Variants in KCNJ6 observed in about 807,000 individuals in gnomAD.
KCNJ6 encodes potassium inwardly rectifying channel subfamily J member 6, also known as G protein-activated inward rectifier potassium channel 2.
Under a neutral mutation model 34.2 loss-of-function variants are expected in KCNJ6, and 9 were observed. The ratio of observed to expected loss-of-function variants is 0.26; its 90% CI spans 0.16 to 0.46. The LOEUF (loss-of-function observed/expected upper bound fraction) is 0.46. Ranked by LOEUF, KCNJ6 falls within the 20% of genes least tolerant of loss-of-function variation. The probability of loss-of-function intolerance (pLI) is 1.00; values close to 1 mark genes in which losing one functional copy is unlikely to be tolerated. For synonymous variants in KCNJ6, 196 were observed against 207.1 expected (o/e 0.95, Z 0.46); for missense variants, 236 against 531.3 (o/e 0.44, Z 5.46).
chr21:37,618,535 G>C lies in KCNJ6; in HGVS notation c.*6624C>G, dbSNP rs1053447454. ...AAAGATTGGCTTAGTTGATATCACAGTATTGATGATCGGTGTTAAAACAAT... is the reference window on the plus strand; with the variant it reads ...AAAGATTGGCTTAGTTGATATCACACTATTGATGATCGGTGTTAAAACAAT... On this transcript the variant is annotated 3_prime_UTR_variant, in exon 4 of 4. Transcript: ENST00000609713. 6.6e-6 allele frequency: 1 copy of C among 152,172 alleles called. No homozygotes were observed. The highest frequency in any genetic ancestry group is 2.4e-5 in the African/African-American group (1 of 41,448). The allele number at this position is 152,172 out of a possible 1,614,324, so 9.4% of individuals were successfully genotyped here.
intron 3 of KCNJ6, 114 bp from the exon 4 acceptor site, chr21:37,625,598 A>T (rs2054307333): frequency 1.5e-6 from 1 of 669,542 alleles, no homozygotes; most frequent in African/African-American, 1.8e-5. Flanking sequence ...TGACCTGCAT[A>T]CGATGCCACA....
intron 2 of KCNJ6, among the ~76,000 whole-genome samples, chr21:37,823,816 C>T (rs920257109): frequency 6.6e-6 from 1 of 151,948 alleles, no homozygotes. Context: ...AATGGTGGTT[C>T]CCAGAGGCTA....
intron 3 of KCNJ6, among the ~76,000 whole-genome samples, chr21:37,645,872 CTT>C (rs1349544961): frequency 7.1e-5 from 10 of 141,634 alleles, no homozygotes; most frequent in Non-Finnish European, 1.1e-4. Context: ...CACAGCCTCT[CTT>C]GTGATCTGCT....
chr21:37,906,309 T>C (rs1022411822), intron 1 of KCNJ6, among the ~76,000 whole-genome samples: 1 of 152,222 alleles, frequency 6.6e-6, no homozygotes, highest in Non-Finnish European at 1.5e-5. Flanking sequence ...GCAGTGGGCA[T>C]TCTGGCATTC....
intron 1 of KCNJ6, among the ~76,000 whole-genome samples, chr21:37,873,562 C>T (rs573679113): frequency 6.6e-6 from 1 of 152,330 alleles, no homozygotes; most frequent in Admixed American, 6.5e-5. Context: ...TGTGCATACT[C>T]GTCTAGGCTT....
chr21:37,661,614 G>GTTTTCTTTTTTTTTT (rs2054488657), intron 3 of KCNJ6, among the ~76,000 whole-genome samples: 1 of 71,172 alleles, frequency 1.4e-5, no homozygotes, highest in South Asian at 6.7e-4. Flanking sequence ...AAGAGACATA[G>GTTTTCTTTTTTTTTT]TTTTTTTTTT....
At chr21:37,654,107 T>G in intron 3 of KCNJ6, among the ~76,000 whole-genome samples, 1 of 72,226 alleles carries the variant, frequency 1.4e-5, no homozygotes, top group Non-Finnish European at 2.7e-5. Context: ...CTTTGTGGGT[T>G]TTTTTTTTTT....
chr21:37,777,727 C>A (rs987465623), intron 2 of KCNJ6, among the ~76,000 whole-genome samples: 1 of 152,194 alleles, frequency 6.6e-6, no homozygotes, highest in Non-Finnish European at 1.5e-5. Context: ...TCATATAACA[C>A]AAGTCTTGCC....
intron 1 of KCNJ6, among the ~76,000 whole-genome samples, chr21:37,868,053 C>T (rs531374740): frequency 6.6e-6 from 1 of 152,190 alleles, no homozygotes; most frequent in Non-Finnish European, 1.5e-5. Context: ...TAAGACCTCA[C>T]AGCCAGCTGG....
At chr21:37,755,614 A>G (rs1331686110) in intron 2 of KCNJ6, among the ~76,000 whole-genome samples, 7 of 152,206 alleles carry the variant, frequency 4.6e-5, no homozygotes, top group African/African-American at 1.7e-4. Flanking sequence ...ATTATCCATG[A>G]TTTAAGTATT....
intron 2 of KCNJ6, among the ~76,000 whole-genome samples, chr21:37,796,680 C>G (rs574759895): frequency 6.6e-6 from 1 of 151,364 alleles, no homozygotes; most frequent in African/African-American, 2.4e-5. Flanking sequence ...AGCCCTGTTA[C>G]TATAACTTGG....
intron 3 of KCNJ6, among the ~76,000 whole-genome samples, chr21:37,690,961 T>C (rs1174634077): frequency 6.6e-6 from 1 of 152,042 alleles, no homozygotes; most frequent in African/African-American, 2.4e-5. Flanking sequence ...TTGGTATTTT[T>C]AGAAGAGACC....
At chr21:37,670,394 G>A (rs1409297458) in intron 3 of KCNJ6, among the ~76,000 whole-genome samples, 4 of 152,072 alleles carry the variant, frequency 2.6e-5, no homozygotes, top group African/African-American at 7.2e-5. Flanking sequence ...TTTTAGTTCT[G>A]CAAAATGGCC....
chr21:37,868,100 G>A (rs551564712), intron 1 of KCNJ6, among the ~76,000 whole-genome samples: 13 of 152,304 alleles, frequency 8.5e-5, no homozygotes, highest in African/African-American at 2.9e-4. Flanking sequence ...TGGCTGCTCC[G>A]GGCATCCTAT....
intron 3 of KCNJ6, among the ~76,000 whole-genome samples, chr21:37,707,109 G>GGT (rs5843853): frequency 0.028 from 1 of 36 alleles, no homozygotes; most frequent in East Asian, 0.5. Context: ...ATTCATGGCA[G>GGT]TACCCGGGCA....
intron 1 of KCNJ6, among the ~76,000 whole-genome samples, chr21:37,841,071 G>C (rs1461628500): frequency 6.6e-6 from 1 of 151,792 alleles, no homozygotes; most frequent in Non-Finnish European, 1.5e-5. Context: ...AGCTTTCTTG[G>C]TATTTTTGGA....
intron 2 of KCNJ6, among the ~76,000 whole-genome samples, chr21:37,736,510 A>G (rs1002080603): frequency 2.0e-4 from 30 of 152,206 alleles, no homozygotes; most frequent in African/African-American, 4.8e-5. Flanking sequence ...CTGAGAAAAG[A>G]GAAGTTGCTT....
chr21:37,659,441 C>T (rs2054478348), intron 3 of KCNJ6, among the ~76,000 whole-genome samples: 1 of 152,230 alleles, frequency 6.6e-6, no homozygotes, highest in Non-Finnish European at 1.5e-5. Flanking sequence ...TTTGCAACCC[C>T]AAGTGCTTCA....
chr21:37,744,328 A>T (rs144169124), intron 2 of KCNJ6, among the ~76,000 whole-genome samples: 9 of 152,298 alleles, frequency 5.9e-5, no homozygotes, highest in East Asian at 1.9e-4. Context: ...TAAAATAAAA[A>T]AAATGGATAG....
Sources: allele counts gnomAD v4.1 joint callset (sites outside exome capture counted in the v4.1 genomes callset), GRCh38; gene constraint gnomAD v4.1.1; transcripts MANE v1.5; gene names NCBI Gene and HGNC (gene_info 2026-07-23, HGNC 2026-07-21).